The following ARCN1 variants were observed in gnomAD, a reference collection of about 807,000 sequenced individuals.
The protein encoded by ARCN1 is coatomer subunit delta.
In ARCN1, 5 loss-of-function variants were observed where a neutral mutation model predicts 60.4. The ratio of observed to expected loss-of-function variants is 0.08; its 90% CI spans 0.04 to 0.17. The LOEUF (loss-of-function observed/expected upper bound fraction) is 0.17, where lower values mean the gene tolerates loss of function less well. Ranked by LOEUF, ARCN1 falls within the 10% of genes least tolerant of loss-of-function variation. ARCN1 has a pLI of 1.00. For missense variants in ARCN1, 464 were observed against 626.5 expected (o/e 0.74, Z 2.77); for synonymous variants, 224 against 220.0 (o/e 1.02, Z -0.16).
chr11:118,600,992 T>C lies in ARCN1; in HGVS notation c.*278T>C, dbSNP rs115531046. On this transcript the variant is annotated 3_prime_UTR_variant, in exon 10 of 10. Transcript: ENST00000264028. ...GCAGGAAAGCAAGCTCTCCAGAGAA[T>C]GCCCCCAGTTAAATACCTCCTCTAC... 971 of 181,770 alleles carry C rather than the reference T, an allele frequency of 5.3e-3. 14 individuals carry two copies. Among genetic ancestry groups the C allele is most frequent in the African/African-American group, 0.022 (909 of 42,240 alleles). The allele number at this position is 181,770 out of a possible 1,614,324, so 11.3% of individuals were successfully genotyped here. A position where few individuals can be genotyped will look rare whatever the true frequency, so the allele number is the denominator to read the frequency against.
chr11:118,589,995 C>A (rs1274629032), intron 5 of ARCN1, among the ~76,000 whole-genome samples: 1 of 151,274 alleles, frequency 6.6e-6, no homozygotes, highest in Non-Finnish European at 1.5e-5. Context: ...TTTTTCTTTT[C>A]TTTTCTTTTT....
chr11:118,578,498 C>G (rs1405971355), intron 1 of ARCN1, among the ~76,000 whole-genome samples: 1 of 152,078 alleles, frequency 6.6e-6, no homozygotes, highest in African/African-American at 2.4e-5. Context: ...TCATAAAATT[C>G]TAACATAGAG....
intron 1 of ARCN1, among the ~76,000 whole-genome samples, chr11:118,581,029 A>G (rs1555074451): frequency 6.6e-6 from 1 of 152,140 alleles, no homozygotes. Context: ...CCAGCCACTC[A>G]GGATTTCTTG....
intron 9 of ARCN1, among the ~76,000 whole-genome samples, chr11:118,598,533 C>T (rs1484514033): frequency 3.0e-5 from 3 of 98,744 alleles, no homozygotes; most frequent in Admixed American, 1.4e-4. Flanking sequence ...TTGCTCTTTT[C>T]ACCCAGGCTG....
At chr11:118,575,511 T>A (rs892618893) in intron 1 of ARCN1, among the ~76,000 whole-genome samples, 2 of 152,234 alleles carry the variant, frequency 1.3e-5, no homozygotes, top group Non-Finnish European at 2.9e-5. Flanking sequence ...TAAATTACTT[T>A]TCAAGTTTTA....
At chr11:118,583,380 ACTAC>A (rs1555074958) in intron 3 of ARCN1, 22 bp downstream of exon 3, 1 of 1,586,906 alleles carries the variant, frequency 6.3e-7, no homozygotes, top group Non-Finnish European at 8.6e-7. Flanking sequence ...CTTCTCTGGG[ACTAC>A]CTGTTTGTAT....
In ARCN1 at chr11:118,600,735, A is replaced by C. The variant is rs991631576; in HGVS notation, c.*21A>C. The C allele has an allele frequency of 6.5e-7, 1 of 1,538,136 alleles. No homozygotes were observed. Among genetic ancestry groups the C allele is most frequent in the Non-Finnish European group, 8.9e-7 (1 of 1,129,434 alleles). ...TGTAATACCAAGAAGAGGGAGCTGA[A>C]AAGGAAAATTTTCAGATTAATAAAG... On this transcript the variant is annotated 3_prime_UTR_variant, in exon 10 of 10. Coordinates refer to ENST00000264028, the MANE Select transcript of ARCN1 (RefSeq NM_001655.5).
Position 118,590,322 on chromosome 11 carries a change from T to C in ARCN1, c.819-19T>C. On this transcript the variant is annotated intron_variant, in intron 5 of 9. Transcript: ENST00000264028. ...TGGTTTCTACCTTTCTGAACAAATG[T>C]ATTACTTTCTCTTTATAGTGTACAT... 1.9e-6 allele frequency: 3 copies of C among 1,604,242 alleles called. No homozygotes were observed. The highest frequency in any genetic ancestry group is 2.6e-6 in the Non-Finnish European group (3 of 1,172,794).
chr11:118,591,920 A>AT (rs1308542874), intron 6 of ARCN1, among the ~76,000 whole-genome samples: 1 of 150,456 alleles, frequency 6.6e-6, no homozygotes, highest in African/African-American at 2.5e-5. Context: ...TTATTTATTT[A>AT]TTTATTTTTT....
In ARCN1 at chr11:118,593,573, C is replaced by T; in HGVS notation, c.1133-17C>T. On this transcript the variant is annotated splice_polypyrimidine_tract_variant and intron_variant, in intron 7 of 9. Coordinates refer to ENST00000264028, the MANE Select transcript of ARCN1 (RefSeq NM_001655.5). ...TTTTTCTAATATTCTAGTATGACTG[C>T]TTTGCTTTCTCCTCAGTTAATTGCT... 1 of 1,562,938 alleles carries T rather than the reference C, an allele frequency of 6.4e-7. No homozygotes were observed. Among genetic ancestry groups the T allele is most frequent in the South Asian group, 1.1e-5 (1 of 89,968 alleles).
intron 5 of ARCN1, 71 bp from the exon 6 acceptor site, chr11:118,590,270 T>C (rs781883417): frequency 5.9e-5 from 80 of 1,360,984 alleles, no homozygotes; most frequent in Non-Finnish European, 7.8e-5. Context: ...GCTGGGGTTA[T>C]AGGCATGAGC....
Position 118,601,613 on chromosome 11 carries a change from G to C in ARCN1, c.*899G>C. On this transcript the variant is annotated 3_prime_UTR_variant, in exon 10 of 10. Transcript: ENST00000264028. Reference sequence around the variant, plus strand: ...ACTATTCAGGTGAACTATTTGAGGGGTATGGGGTCTAGAAGTTAAAAGATA... The same window carrying C: ...ACTATTCAGGTGAACTATTTGAGGGCTATGGGGTCTAGAAGTTAAAAGATA... The C allele has an allele frequency of 1.4e-6, 1 of 702,870 alleles. No individual in the cohort carries two copies. 43.5% of individuals were successfully genotyped at this position (702,870 alleles called of 1,614,324 possible).
Position 118,583,256 on chromosome 11 carries a change from A to G in ARCN1, c.345A>G (p.Glu115=). 1 of 1,614,174 alleles carries G rather than the reference A, an allele frequency of 6.2e-7. No individual in the cohort carries two copies. The change falls in exon 3 of 10, where the codon GAA becomes GAG. Residue 115 remains glutamate (E), a synonymous_variant. Transcript: ENST00000264028. ...HCFDLIFAFD[E]IVALGYRENV... ...TTGATTTGATTTTTGCTTTTGATGA[A>G]ATTGTCGCACTGGGATACCGGGAGA...
At position 118,587,435 on chromosome 11, in the gene ARCN1, A is replaced by C. The variant is rs190055279; in HGVS notation, c.818+2791A>C. On this transcript the variant is annotated intron_variant, in intron 5 of 9. Transcript: ENST00000264028. ...AAAACTAGACACGTCTTCCAATTGC[A>C]TTTTTCATTTAATTATTTTGGAGAT... 2.9e-3 allele frequency among the ~76,000 whole-genome samples: 443 copies of C among 152,268 alleles called. 2 individuals carry two copies. Among genetic ancestry groups the C allele is most frequent in the African/African-American group, 9.2e-3 (382 of 41,540 alleles).
intron 5 of ARCN1, among the ~76,000 whole-genome samples, chr11:118,586,125 A>G (rs1938773386): frequency 6.6e-6 from 1 of 151,702 alleles, no homozygotes; most frequent in African/African-American, 2.4e-5. Context: ...TTCTTTCTTG[A>G]CAGAGTCTTG....
intron 1 of ARCN1, among the ~76,000 whole-genome samples, chr11:118,578,567 G>T (rs1938576371): frequency 1.3e-5 from 2 of 152,068 alleles, no homozygotes; most frequent in Admixed American, 6.5e-5. Flanking sequence ...GCTCTACAGG[G>T]ATTACATTTA....
chr11:118,596,934 G>A (rs1490538255), intron 8 of ARCN1, among the ~76,000 whole-genome samples: 1 of 152,206 alleles, frequency 6.6e-6, no homozygotes, highest in Non-Finnish European at 1.5e-5. Flanking sequence ...TCTCGGCCGG[G>A]TGCGGTGGCT....
Position 118,583,199 on chromosome 11 carries a change from C to G in ARCN1, c.288C>G (p.Ala96=), listed in dbSNP as rs782048135. 1.2e-6 allele frequency: 2 copies of G among 1,614,092 alleles called. No individual in the cohort carries two copies. The highest frequency in any genetic ancestry group is 2.2e-5 in the South Asian group (2 of 91,080). ...FSRVIPEYCR[A]LEENEISEHC... Reference sequence around the variant, plus strand: ...CTTAGATCCCTGAATATTGCCGAGCCTTAGAAGAGAATGAAATATCTGAGC... The same window carrying G: ...CTTAGATCCCTGAATATTGCCGAGCGTTAGAAGAGAATGAAATATCTGAGC... The change falls in exon 3 of 10, where the codon GCC becomes GCG. Residue 96 remains alanine (A), a synonymous_variant. Coordinates refer to ENST00000264028, the MANE Select transcript of ARCN1 (RefSeq NM_001655.5).
intron 1 of ARCN1, among the ~76,000 whole-genome samples, chr11:118,577,445 C>T (rs1938544113): frequency 6.6e-6 from 1 of 151,990 alleles, no homozygotes; most frequent in East Asian, 1.9e-4. Context: ...ACAGGGTTTT[C>T]CCATGTTGAC....
Sources: gnomAD v4.1 joint callset for allele counts (sites outside exome capture counted in the v4.1 genomes callset) on GRCh38, gnomAD v4.1.1 for gene constraint, MANE v1.5 for transcripts, NCBI Gene and HGNC (gene_info 2026-07-23, HGNC 2026-07-21) for gene names.